Variants in SCAMP1 observed in about 807,000 individuals in gnomAD.
The protein encoded by SCAMP1 is secretory carrier membrane protein 1.
In SCAMP1, 15 loss-of-function variants were observed where a neutral mutation model predicts 41.8. The ratio of observed to expected loss-of-function variants is 0.36; its 90% CI spans 0.24 to 0.55. The LOEUF is 0.55. Ranked by LOEUF, SCAMP1 falls within the 20% of genes least tolerant of loss-of-function variation. The pLI is 0.86. For missense variants in SCAMP1, 341 were observed against 412.6 expected (o/e 0.83, Z 1.50); for synonymous variants, 135 against 136.8 (o/e 0.99, Z 0.09).
At chr5:78,393,285 T>G (rs1370830344) in intron 2 of SCAMP1, among the ~76,000 whole-genome samples, 2 of 152,160 alleles carry the variant, frequency 1.3e-5, no homozygotes, top group South Asian at 2.1e-4. Flanking sequence ...CAAGCGATAC[T>G]CCTGCCTCAG....
At chr5:78,390,409 A>G (rs1751455611) in intron 2 of SCAMP1, among the ~76,000 whole-genome samples, 1 of 152,196 alleles carries the variant, frequency 6.6e-6, no homozygotes, top group Non-Finnish European at 1.5e-5. Flanking sequence ...AACATGTGAA[A>G]TGGCCAATAA....
Position 78,382,447 on chromosome 5 carries a change from G to C in SCAMP1, c.58-6390G>C, listed in dbSNP as rs1195144527. ...TTTAAAAAATTTCAGTAGGTTTTTGGGGAACAGGTGGTGTTTGGTTACATG... is the reference window on the plus strand; with the variant it reads ...TTTAAAAAATTTCAGTAGGTTTTTGCGGAACAGGTGGTGTTTGGTTACATG... On this transcript the variant is annotated intron_variant, in intron 1 of 8. Coordinates refer to ENST00000621999, the MANE Select transcript of SCAMP1 (RefSeq NM_004866.6). 4.6e-5 allele frequency among the ~76,000 whole-genome samples: 7 copies of C among 152,034 alleles called. No individual in the cohort carries two copies. The East Asian group carries it at 1.4e-3, about 29-fold the overall frequency.
intron 5 of SCAMP1, among the ~76,000 whole-genome samples, chr5:78,419,564 ACT>A (rs1295198052): frequency 1.3e-5 from 2 of 151,792 alleles, no homozygotes; most frequent in African/African-American, 4.8e-5. Flanking sequence ...CCTCCCACTT[ACT>A]CTCTGTTTCA....
chr5:78,477,605 G>C lies in SCAMP1; in HGVS notation c.*1937G>C, dbSNP rs1461460707. 6.6e-6 allele frequency: 1 copy of C among 152,092 alleles called. No individual in the cohort carries two copies. Among genetic ancestry groups the C allele is most frequent in the Non-Finnish European group, 1.5e-5 (1 of 67,962 alleles). The allele number at this position is 152,092 out of a possible 1,614,324, so 9.4% of individuals were successfully genotyped here. A position where few individuals can be genotyped will look rare whatever the true frequency, so the allele number is the denominator to read the frequency against. The stretch of plus-strand genomic sequence containing the variant: ...GATATATTAGAGACTTTTGAAAAAT[G>C]CTGAAATACTTTGCTTCAGAATTGG... On this transcript the variant is annotated 3_prime_UTR_variant, in exon 9 of 9. Transcript: ENST00000621999.
At chr5:78,394,275 G>C (rs1751589185) in intron 2 of SCAMP1, among the ~76,000 whole-genome samples, 2 of 152,172 alleles carry the variant, frequency 1.3e-5, no homozygotes, top group South Asian at 4.2e-4. Flanking sequence ...TTTAACCTAG[G>C]CCCTGTCACT....
chr5:78,447,799 C>A (rs1008860955), intron 6 of SCAMP1, among the ~76,000 whole-genome samples: 34 of 149,568 alleles, frequency 2.3e-4, no homozygotes, highest in Non-Finnish European at 3.7e-4. Flanking sequence ...CTTTCTTCTT[C>A]TTCTTCCTCC....
chr5:78,395,659 A>G (rs1264904084), intron 2 of SCAMP1, among the ~76,000 whole-genome samples: 1 of 152,130 alleles, frequency 6.6e-6, no homozygotes, highest in South Asian at 2.1e-4. Flanking sequence ...TGGTGGTCGT[A>G]TGACTGAGGG....
intron 6 of SCAMP1, among the ~76,000 whole-genome samples, chr5:78,423,748 TCCCTAG>T (rs1752398123): frequency 1.3e-5 from 2 of 152,224 alleles, no homozygotes; most frequent in Admixed American, 6.5e-5. Context: ...GCATTATTGA[TCCCTAG>T]GCTGAGTTTT....
intron 6 of SCAMP1, among the ~76,000 whole-genome samples, chr5:78,429,322 T>C (rs565858843): frequency 1.1e-4 from 17 of 151,152 alleles, no homozygotes; most frequent in Non-Finnish European, 2.1e-4. Context: ...GAACCTCTCT[T>C]GTGTTTCCAG....
At chr5:78,435,758 G>A (rs1752737282) in intron 6 of SCAMP1, among the ~76,000 whole-genome samples, 1 of 152,180 alleles carries the variant, frequency 6.6e-6, no homozygotes, top group African/African-American at 2.4e-5. Context: ...GGATGGCTGG[G>A]TCAAATGGTA....
Position 78,469,911 on chromosome 5 carries a change from AAC to A in SCAMP1, c.853-5591_853-5590del, listed in dbSNP as rs1561290930. On this transcript the variant is annotated intron_variant, in intron 8 of 8. Coordinates refer to ENST00000621999, the MANE Select transcript of SCAMP1 (RefSeq NM_004866.6). ...ACATTAAAAAAAAAAAAAAAAAAAA[AAC>A]AAAAAAAAAAAAAAAAAAACAACAA... 4.4e-4 allele frequency among the ~76,000 whole-genome samples: 19 copies of A among 43,090 alleles called. 1 individual carries two copies. The highest frequency in any genetic ancestry group is 2.4e-3 in the African/African-American group (17 of 7,160). The allele number at this position is 43,090 out of a possible 152,430, so 28.3% of individuals were successfully genotyped here.
intron 8 of SCAMP1, among the ~76,000 whole-genome samples, chr5:78,473,542 T>A (rs532833335): frequency 1.3e-5 from 2 of 152,140 alleles, no homozygotes; most frequent in Non-Finnish European, 2.9e-5. Flanking sequence ...TATGTGATAC[T>A]GAGGTTTGGG....
chr5:78,469,978 T>C (rs73135747), intron 8 of SCAMP1, among the ~76,000 whole-genome samples: 4,137 of 136,776 alleles, frequency 0.03, 228 homozygotes, highest in African/African-American at 0.1. Context: ...TTGTCCTAGC[T>C]GTTGGAGAGA....
intron 1 of SCAMP1, among the ~76,000 whole-genome samples, chr5:78,378,293 CAT>C (rs1329332010): frequency 2.6e-5 from 4 of 152,104 alleles, no homozygotes; most frequent in Non-Finnish European, 4.4e-5. Context: ...TTAAAAATGA[CAT>C]ATGTACAGAG....
At chr5:78,419,895 T>G (rs1255355614) in intron 5 of SCAMP1, among the ~76,000 whole-genome samples, 2 of 152,230 alleles carry the variant, frequency 1.3e-5, no homozygotes, top group African/African-American at 4.8e-5. Flanking sequence ...ATTCTTGATC[T>G]AATATCTTTT....
At chr5:78,371,815 T>C (rs749614193) in intron 1 of SCAMP1, among the ~76,000 whole-genome samples, 17 of 152,194 alleles carry the variant, frequency 1.1e-4, no homozygotes, top group Non-Finnish European at 2.5e-4. Flanking sequence ...AATTAAATAA[T>C]ACATTTTTGC....
chr5:78,404,412 G>A (rs1309527695), intron 2 of SCAMP1, among the ~76,000 whole-genome samples: 1 of 138,308 alleles, frequency 7.2e-6, no homozygotes, highest in Admixed American at 7.2e-5. Context: ...CTCCCAAAGT[G>A]TCGGGATTAT....
chr5:78,414,197 A>G (rs1020059264), intron 2 of SCAMP1, among the ~76,000 whole-genome samples: 3 of 151,936 alleles, frequency 2.0e-5, no homozygotes, highest in African/African-American at 4.8e-5. Flanking sequence ...TTATGGGGGC[A>G]TGTATAAATC....
chr5:78,440,914 G>A (rs892566961), intron 6 of SCAMP1, among the ~76,000 whole-genome samples: 1 of 152,160 alleles, frequency 6.6e-6, no homozygotes, highest in Non-Finnish European at 1.5e-5. Flanking sequence ...AGTGGTGGAC[G>A]CCCCTCTCCC....
Sources: gnomAD v4.1 joint callset for allele counts (sites outside exome capture counted in the v4.1 genomes callset) on GRCh38, gnomAD v4.1.1 for gene constraint, MANE v1.5 for transcripts, NCBI Gene and HGNC (gene_info 2026-07-23, HGNC 2026-07-21) for gene names.